The following RALGAPA1 variants were observed in gnomAD, a reference collection of about 807,000 sequenced individuals.
The protein encoded by RALGAPA1 is Ral GTPase activating protein catalytic subunit alpha 1, also known as ral GTPase-activating protein subunit alpha-1.
A neutral mutation model predicts 269.6 loss-of-function variants in RALGAPA1; 52 were observed. The observed-to-expected ratio is 0.19, with a 90% CI of 0.15 to 0.24. The LOEUF (loss-of-function observed/expected upper bound fraction) is 0.24, where lower values mean the gene tolerates loss of function less well. Among genes scored for constraint, RALGAPA1 ranks in the 10% least tolerant of loss-of-function variants. The pLI, the probability that RALGAPA1 is intolerant of heterozygous loss-of-function variation, is 1.00. For synonymous variants in RALGAPA1, 817 were observed against 1,008.3 expected (o/e 0.81, Z 3.60); for missense variants, 1,917 against 3,013.9 (o/e 0.64, Z 8.52).
intron 35 of RALGAPA1, among the ~76,000 whole-genome samples, chr14:35,624,570 A>G (rs1316955483): frequency 6.6e-6 from 1 of 152,062 alleles, no homozygotes; most frequent in Non-Finnish European, 1.5e-5. Flanking sequence ...GCAGGCAGAG[A>G]TGGCAGAAAG....
At chr14:35,597,798 A>G (rs1212772684) in intron 36 of RALGAPA1, among the ~76,000 whole-genome samples, 1 of 152,238 alleles carries the variant, frequency 6.6e-6, no homozygotes, top group Non-Finnish European at 1.5e-5. Context: ...TAAAGGACAT[A>G]GGATGTAACC....
At chr14:35,584,684 A>G (rs2058167422) in intron 37 of RALGAPA1, among the ~76,000 whole-genome samples, 1 of 152,122 alleles carries the variant, frequency 6.6e-6, no homozygotes, top group Non-Finnish European at 1.5e-5. Context: ...TTGATATGTT[A>G]AGAAAGGAGA....
chr14:35,617,863 C>T (rs1445199396), intron 35 of RALGAPA1, among the ~76,000 whole-genome samples: 1 of 151,040 alleles, frequency 6.6e-6, no homozygotes, highest in Non-Finnish European at 1.5e-5. Flanking sequence ...AGCAGATTGT[C>T]TGCATCAAGA....
chr14:35,744,286 G>A (rs142721425), intron 10 of RALGAPA1, among the ~76,000 whole-genome samples: 729 of 150,518 alleles, frequency 4.8e-3, no homozygotes, highest in African/African-American at 0.016. Flanking sequence ...CAGGAGAATC[G>A]CTTGAACCCG....
intron 33 of RALGAPA1, among the ~76,000 whole-genome samples, chr14:35,634,106 T>C (rs1053260430): frequency 4.6e-5 from 7 of 152,094 alleles, no homozygotes; most frequent in Non-Finnish European, 1.0e-4. Flanking sequence ...CCATTATATA[T>C]AAAATATCAA....
chr14:35,541,394 A>G (rs1490719303), intron 41 of RALGAPA1, among the ~76,000 whole-genome samples: 1 of 152,184 alleles, frequency 6.6e-6, no homozygotes, highest in Non-Finnish European at 1.5e-5. Context: ...AAGAAAAAAT[A>G]TATGTTTCCA....
chr14:35,719,102 G>A (rs2069134549), intron 16 of RALGAPA1, among the ~76,000 whole-genome samples: 2 of 152,116 alleles, frequency 1.3e-5, no homozygotes, highest in Admixed American at 1.3e-4. Context: ...GCCAAGGTGG[G>A]TGGATCACTT....
At chr14:35,606,061 T>C (rs1370731203) in intron 35 of RALGAPA1, among the ~76,000 whole-genome samples, 1 of 152,224 alleles carries the variant, frequency 6.6e-6, no homozygotes, top group East Asian at 1.9e-4. Context: ...TGTTTTGCAA[T>C]GTAGCCGAAT....
chr14:35,722,568 T>TAG (rs1313172392), intron 15 of RALGAPA1, among the ~76,000 whole-genome samples: 19 of 151,432 alleles, frequency 1.3e-4, no homozygotes, highest in Non-Finnish European at 2.7e-4. Flanking sequence ...GCCATGACTG[T>TAG]GCTACTATAC....
intron 22 of RALGAPA1, 70 bp from the exon 23 acceptor site, chr14:35,674,779 G>A: frequency 4.6e-6 from 3 of 653,236 alleles, no homozygotes; most frequent in South Asian, 5.4e-5. Flanking sequence ...AAGAAACCAA[G>A]CTAAATTAAC....
intron 16 of RALGAPA1, among the ~76,000 whole-genome samples, chr14:35,709,789 C>T (rs1022823677): frequency 6.6e-6 from 1 of 152,142 alleles, no homozygotes; most frequent in Non-Finnish European, 1.5e-5. Flanking sequence ...CTTGAAACAT[C>T]TTTGAACTGT....
At chr14:35,723,467 C>T (rs542866016) in intron 14 of RALGAPA1, 61 of 408,958 alleles carry the variant, frequency 1.5e-4, no homozygotes, top group Admixed American at 3.2e-4. Context: ...ACTGCCAACT[C>T]CCAACACCCA....
At chr14:35,557,186 G>A (rs2055707626) in intron 39 of RALGAPA1, among the ~76,000 whole-genome samples, 1 of 149,646 alleles carries the variant, frequency 6.7e-6, no homozygotes, top group Admixed American at 6.7e-5. Context: ...ACAAAAACTA[G>A]GGTATCTGGA....
chr14:35,651,203 AAT>A (rs1434561803), intron 31 of RALGAPA1, among the ~76,000 whole-genome samples: 2 of 152,158 alleles, frequency 1.3e-5, no homozygotes, highest in African/African-American at 4.8e-5. Context: ...AATTATTATA[AAT>A]ATGTTAAAGT....
chr14:35,774,874 T>C (rs548614293), intron 3 of RALGAPA1, 132 bp downstream of exon 3: 12 of 653,644 alleles, frequency 1.8e-5, no homozygotes, highest in East Asian at 2.9e-5. Flanking sequence ...TTTAAAAAAT[T>C]TAGATTTAGT....
intron 41 of RALGAPA1, among the ~76,000 whole-genome samples, chr14:35,544,172 G>A (rs1191044781): frequency 6.6e-6 from 1 of 152,110 alleles, no homozygotes; most frequent in Non-Finnish European, 1.5e-5. Context: ...TGATTCCAAA[G>A]CTCATACTTC....
intron 1 of RALGAPA1, among the ~76,000 whole-genome samples, chr14:35,776,337 C>A (rs181904221): frequency 1.3e-5 from 2 of 150,952 alleles, no homozygotes; most frequent in Non-Finnish European, 2.9e-5. Context: ...GCCAAGATTG[C>A]GCCACTGCAC....
At chr14:35,601,215 G>A (rs1368229724) in intron 36 of RALGAPA1, among the ~76,000 whole-genome samples, 1 of 152,240 alleles carries the variant, frequency 6.6e-6, no homozygotes, top group Admixed American at 6.5e-5. Context: ...AATGACTCCA[G>A]TGGACAGCAG....
chr14:35,719,143 A>G (rs1161701526), intron 16 of RALGAPA1, among the ~76,000 whole-genome samples: 4 of 152,174 alleles, frequency 2.6e-5, no homozygotes, highest in African/African-American at 9.7e-5. Flanking sequence ...AGCCTGGCCA[A>G]CAGGGTGAAA....
Sources: allele counts gnomAD v4.1 joint callset (sites outside exome capture counted in the v4.1 genomes callset), GRCh38; gene constraint gnomAD v4.1.1; transcripts MANE v1.5; gene names NCBI Gene and HGNC (gene_info 2026-07-23, HGNC 2026-07-21).